The following BANK1 variants were observed in gnomAD, a reference collection of about 807,000 sequenced individuals.
The protein encoded by BANK1 is B cell scaffold protein with ankyrin repeats 1, also known as B-cell scaffold protein with ankyrin repeats.
Under a neutral mutation model 94.5 loss-of-function variants are expected in BANK1, and 95 were observed. The observed-to-expected ratio is 1.00, with a 90% CI of 0.85 to 1.19. The LOEUF (loss-of-function observed/expected upper bound fraction) is 1.19. Among genes scored for constraint, BANK1 ranks in the 50% most tolerant of loss-of-function variants. The probability of loss-of-function intolerance (pLI) is 0.00; values close to 1 mark genes in which losing one functional copy is unlikely to be tolerated. For synonymous variants in BANK1, 334 were observed against 308.4 expected (o/e 1.08, Z -0.87); for missense variants, 987 against 932.2 (o/e 1.06, Z -0.77).
intron 8 of BANK1, among the ~76,000 whole-genome samples, chr4:102,024,820 C>CT (rs1408109090): frequency 6.6e-6 from 1 of 151,982 alleles, no homozygotes; most frequent in Non-Finnish European, 1.5e-5. Context: ...AGGTTTGTGT[C>CT]TTTTTTCTTT....
chr4:102,066,462 T>A (rs375111426), intron 13 of BANK1, among the ~76,000 whole-genome samples: 2 of 152,264 alleles, frequency 1.3e-5, no homozygotes, highest in African/African-American at 4.8e-5. Flanking sequence ...TTTCACCATG[T>A]TAGCCAGGAT....
chr4:101,990,043 G>A (rs1725650379), intron 7 of BANK1, among the ~76,000 whole-genome samples: 1 of 152,124 alleles, frequency 6.6e-6, no homozygotes, highest in Admixed American at 6.5e-5. Context: ...TAAGCTGATG[G>A]ATTCCCAGTA....
At chr4:101,940,819 G>A (rs890964631) in intron 7 of BANK1, among the ~76,000 whole-genome samples, 2 of 151,720 alleles carry the variant, frequency 1.3e-5, no homozygotes, top group African/African-American at 2.4e-5. Flanking sequence ...TGTTTCCCTC[G>A]ATCACCTGGC....
At chr4:102,050,006 A>G (rs1051226971) in intron 11 of BANK1, among the ~76,000 whole-genome samples, 9 of 152,188 alleles carry the variant, frequency 5.9e-5, no homozygotes, top group African/African-American at 2.2e-4. Context: ...AGGAAAAACC[A>G]AGGGAGGAGA....
chr4:101,985,879 T>C (rs970600002), intron 7 of BANK1, among the ~76,000 whole-genome samples: 1 of 152,178 alleles, frequency 6.6e-6, no homozygotes, highest in African/African-American at 2.4e-5. Context: ...TGAAGATTTA[T>C]ATTTTGTCAG....
At chr4:101,913,436 C>T (rs1722732316) in intron 6 of BANK1, among the ~76,000 whole-genome samples, 1 of 152,106 alleles carries the variant, frequency 6.6e-6, no homozygotes, top group Non-Finnish European at 1.5e-5. Context: ...GATGTCAATT[C>T]TAGAAACCTC....
At chr4:101,920,458 A>G (rs1170144340) in intron 7 of BANK1, among the ~76,000 whole-genome samples, 4 of 151,970 alleles carry the variant, frequency 2.6e-5, no homozygotes, top group South Asian at 2.1e-4. Context: ...GAATCTCATT[A>G]TACTACTAAA....
rs1364402340 is a variant in BANK1, at chr4:101,908,066, A to G, written c.1010-9927A>G. Among the ~76,000 whole-genome samples, 7 of 152,372 alleles carry G rather than the reference A, an allele frequency of 4.6e-5. No homozygotes were observed. In the East Asian group the frequency reaches 1.4e-3, roughly 29 times the overall value. ...ATTGGAAAAAACTACTTTAAAGGTC[A>G]TATGGAACCAAAAAAGAGCCCGCAT... On this transcript the variant is annotated intron_variant, in intron 6 of 16. Transcript: ENST00000322953.
chr4:101,840,108 A>G (rs1280613225), intron 2 of BANK1, among the ~76,000 whole-genome samples: 2 of 146,330 alleles, frequency 1.4e-5, no homozygotes, highest in African/African-American at 5.0e-5. Flanking sequence ...AGCTGGGACT[A>G]CAGGCGCCCG....
chr4:102,030,996 A>G, intron 10 of BANK1, among the ~76,000 whole-genome samples: 1 of 152,096 alleles, frequency 6.6e-6, no homozygotes. Context: ...CTAGTTCTAG[A>G]TCCTTGAGGA....
chr4:101,885,004 C>A (rs549547365), intron 5 of BANK1, among the ~76,000 whole-genome samples: 1 of 152,234 alleles, frequency 6.6e-6, no homozygotes, highest in East Asian at 1.9e-4. Context: ...CGCGCCCTCT[C>A]CCCTTCTGGT....
intron 7 of BANK1, among the ~76,000 whole-genome samples, chr4:102,014,562 G>T (rs1726626393): frequency 6.6e-6 from 1 of 152,050 alleles, no homozygotes; most frequent in South Asian, 2.1e-4. Flanking sequence ...AGTCAAATGA[G>T]TCAAATTTAG....
At position 101,948,275 on chromosome 4, in the gene BANK1, T is replaced by C. The variant is rs75329007; in HGVS notation, c.1206+30086T>C. Among the ~76,000 whole-genome samples the C allele has an allele frequency of 5.6e-3, 853 of 152,172 alleles. 15 individuals are homozygous for C. In the East Asian group the frequency reaches 0.057, roughly 10 times the overall value. The stretch of plus-strand genomic sequence containing the variant: ...GACTGACACTCAAGGCTACCTGAAT[T>C]TGTACAGTGATGCTATTGGTGTCAT... On this transcript the variant is annotated intron_variant, in intron 7 of 16. Transcript: ENST00000322953.
intron 7 of BANK1, among the ~76,000 whole-genome samples, chr4:101,971,441 A>G (rs971471381): frequency 2.6e-5 from 4 of 152,110 alleles, no homozygotes; most frequent in African/African-American, 9.7e-5. Flanking sequence ...TCACATCTAA[A>G]ACTATCCTAG....
chr4:102,050,589 CACAAT>C (rs1728016507), intron 11 of BANK1, among the ~76,000 whole-genome samples: 1 of 152,168 alleles, frequency 6.6e-6, no homozygotes, highest in African/African-American at 2.4e-5. Flanking sequence ...CAATAATCCA[CACAAT>C]ACAATTTAAA....
chr4:101,833,945 T>C (rs1249170673), intron 2 of BANK1, among the ~76,000 whole-genome samples: 1 of 152,152 alleles, frequency 6.6e-6, no homozygotes, highest in Non-Finnish European at 1.5e-5. Flanking sequence ...AATAGGAAAA[T>C]TATTTTTTTA....
At chr4:101,999,550 T>A (rs1055476047) in intron 7 of BANK1, among the ~76,000 whole-genome samples, 1 of 152,222 alleles carries the variant, frequency 6.6e-6, no homozygotes, top group Non-Finnish European at 1.5e-5. Context: ...CATCACTCAA[T>A]CATTTAAAAA....
intron 6 of BANK1, among the ~76,000 whole-genome samples, chr4:101,914,801 A>G (rs1046530234): frequency 6.6e-6 from 1 of 152,186 alleles, no homozygotes; most frequent in Non-Finnish European, 1.5e-5. Context: ...CACTGCTTTC[A>G]AGTGCTTAGA....
intron 2 of BANK1, among the ~76,000 whole-genome samples, chr4:101,847,198 AGTGTGTGTGT>A (rs10542109): frequency 0.34 from 50,201 of 147,702 alleles, 8,617 homozygotes; most frequent in African/African-American, 0.38. Context: ...GGGTTGGCAG[AGTGTGTGTGT>A]GTGTGTGTGT....
Sources: allele counts gnomAD v4.1 joint callset (sites outside exome capture counted in the v4.1 genomes callset), GRCh38; gene constraint gnomAD v4.1.1; transcripts MANE v1.5; gene names NCBI Gene and HGNC (gene_info 2026-07-23, HGNC 2026-07-21).